JRK: variants seen among roughly 807,000 people sequenced by gnomAD.
JRK encodes jerky protein homolog.
For missense variants in JRK, 720 were observed against 509.2 expected, an observed-to-expected ratio of 1.41 and a Z score of -3.98; for synonymous variants, 303 against 218.1, an observed-to-expected ratio of 1.39 and a Z score of -3.43.
chr8:142,646,685 T>C, the JRK span, among the ~76,000 whole-genome samples: 1 of 152,218 alleles, frequency 6.6e-6, no homozygotes. Flanking sequence ...TTACTTAAGT[T>C]ACATAAACTT....
chr8:142,649,354 G>T, the JRK span, among the ~76,000 whole-genome samples: 3 of 152,214 alleles, frequency 2.0e-5, no homozygotes, highest in African/African-American at 4.8e-5. Context: ...TTGTGGGAGG[G>T]ACCCAGTGGG....
In JRK at chr8:142,663,611, G is replaced by A. The variant is rs587594978; in HGVS notation, c.*741C>T. On this transcript the variant is annotated 3_prime_UTR_variant, in exon 2 of 2. Transcript: ENST00000612905. ...GTGTCCTCTATCCGGGTGATGAGCAGGGCCTGGTCAGCCACTCCTACTTTC... is the reference window on the plus strand; with the variant it reads ...GTGTCCTCTATCCGGGTGATGAGCAAGGCCTGGTCAGCCACTCCTACTTTC... 2.0e-6 allele frequency: 2 copies of A among 985,468 alleles called. No individual in the cohort carries two copies. The highest frequency in any genetic ancestry group is 9.4e-5 in the South Asian group (2 of 21,290). 61.0% of individuals were successfully genotyped at this position (985,468 alleles called of 1,614,324 possible).
At chr8:142,652,014 G>C in the JRK span, among the ~76,000 whole-genome samples, 6 of 151,768 alleles carry the variant, frequency 4.0e-5, no homozygotes, top group East Asian at 1.9e-4. Flanking sequence ...CCAAAAAAAG[G>C]GGGGGTGGTG....
chr8:142,660,526 A>G lies in JRK; in HGVS notation c.*3826T>C, dbSNP rs1846882518. On this transcript the variant is annotated 3_prime_UTR_variant, in exon 2 of 2. Coordinates refer to ENST00000612905, the MANE Select transcript of JRK (RefSeq NM_003724.4). ...GGGATCCTCCCGCCTCGGCCTCCTGAGTAGCTGGGGTTACAGGCACATGCC... is the reference window on the plus strand; with the variant it reads ...GGGATCCTCCCGCCTCGGCCTCCTGGGTAGCTGGGGTTACAGGCACATGCC... 3.9e-6 allele frequency: 3 copies of G among 761,864 alleles called. No homozygotes were observed. The highest frequency in any genetic ancestry group is 4.8e-6 in the Non-Finnish European group (3 of 626,818). The allele number at this position is 761,864 out of a possible 1,614,324, so 47.2% of individuals were successfully genotyped here.
rs908456725 is a variant in JRK, at chr8:142,660,188, C to G, written c.*4164G>C. The G allele has an allele frequency of 1.0e-5, 10 of 985,392 alleles. No homozygotes were observed. The highest frequency in any genetic ancestry group is 6.2e-5 in the Admixed American group (1 of 16,254). 61.0% of individuals were successfully genotyped at this position (985,392 alleles called of 1,614,324 possible). A position where few individuals can be genotyped will look rare whatever the true frequency, so the allele number is the denominator to read the frequency against. On this transcript the variant is annotated 3_prime_UTR_variant, in exon 2 of 2. Coordinates refer to ENST00000612905, the MANE Select transcript of JRK (RefSeq NM_003724.4). Reference sequence around the variant, plus strand: ...AGGCAGCTGAGTCCAACGCAGTGCCCGAGAGCTCAGCCCTTGTCAAGGAGA... The same window carrying G: ...AGGCAGCTGAGTCCAACGCAGTGCCGGAGAGCTCAGCCCTTGTCAAGGAGA...
Position 142,657,785 on chromosome 8 carries a change from T to C in JRK, c.*6567A>G, listed in dbSNP as rs1176845793. The C allele has an allele frequency of 6.6e-6, 1 of 152,276 alleles. No homozygotes were observed. Among genetic ancestry groups the C allele is most frequent in the Non-Finnish European group, 1.5e-5 (1 of 68,054 alleles). The allele number at this position is 152,276 out of a possible 1,614,324, so 9.4% of individuals were successfully genotyped here. A position where few individuals can be genotyped will look rare whatever the true frequency, so the allele number is the denominator to read the frequency against. On this transcript the variant is annotated 3_prime_UTR_variant, in exon 2 of 2. Transcript: ENST00000612905. The stretch of plus-strand genomic sequence containing the variant: ...CCCACCTTCAACACTGGGGATCAAA[T>C]TTCCATATAAGATTAGAAAGGGACA...
At chr8:142,668,535 C>T (rs587602321) in intron 1 of JRK, among the ~76,000 whole-genome samples, 7 of 151,838 alleles carry the variant, frequency 4.6e-5, no homozygotes, top group East Asian at 2.0e-4. Context: ...AATATGAACC[C>T]GCTGTAGAAA....
the JRK span, among the ~76,000 whole-genome samples, chr8:142,649,786 A>C: frequency 6.6e-6 from 1 of 152,122 alleles, no homozygotes; most frequent in Non-Finnish European, 1.5e-5. Context: ...CTCTGCTAGC[A>C]CAGTGTGGAA....
downstream of JRK, among the ~76,000 whole-genome samples, chr8:142,654,575 G>A (rs868925109): frequency 1.3e-5 from 2 of 152,040 alleles, no homozygotes; most frequent in African/African-American, 2.4e-5. Flanking sequence ...CAGGGCTCAG[G>A]AGCACAGACT....
chr8:142,654,356 G>A (rs1342053112), downstream of JRK, among the ~76,000 whole-genome samples: 1 of 152,122 alleles, frequency 6.6e-6, no homozygotes, highest in Non-Finnish European at 1.5e-5. Context: ...AGATGTGACA[G>A]GCCCTGGCTC....
In JRK at chr8:142,660,677, C is replaced by G. The variant is rs1846885697; in HGVS notation, c.*3675G>C. On this transcript the variant is annotated 3_prime_UTR_variant, in exon 2 of 2. Transcript: ENST00000612905. Reference sequence around the variant, plus strand: ...GTGGCCTTCCAGAGTACTGGGATTTCAGGCAGAAGCCACCACACCCGGATC... The same window carrying G: ...GTGGCCTTCCAGAGTACTGGGATTTGAGGCAGAAGCCACCACACCCGGATC... The G allele has an allele frequency of 7.1e-6, 7 of 984,540 alleles. No individual in the cohort carries two copies. Among genetic ancestry groups the G allele is most frequent in the Non-Finnish European group, 8.4e-6 (7 of 829,200 alleles). The allele number at this position is 984,540 out of a possible 1,614,324, so 61.0% of individuals were successfully genotyped here. A position where few individuals can be genotyped will look rare whatever the true frequency, so the allele number is the denominator to read the frequency against.
chr8:142,669,199 T>TGCGC (rs1554636779), intron 1 of JRK, among the ~76,000 whole-genome samples: 7 of 61,596 alleles, frequency 1.1e-4, no homozygotes, highest in African/African-American at 5.5e-4. Flanking sequence ...TGTGTGTGTG[T>TGCGC]GCGTGTGTGT....
At chr8:142,648,978 TC>T in the JRK span, among the ~76,000 whole-genome samples, 1 of 152,160 alleles carries the variant, frequency 6.6e-6, no homozygotes, top group Non-Finnish European at 1.5e-5. Context: ...TCAAAGGAGA[TC>T]ATTTTGGAGC....
At chr8:142,647,590 A>T in the JRK span, among the ~76,000 whole-genome samples, 1 of 152,164 alleles carries the variant, frequency 6.6e-6, no homozygotes, top group Admixed American at 6.5e-5. Flanking sequence ...GTCACACATG[A>T]CTTGCTCCTC....
In JRK at chr8:142,658,098, G is replaced by A. The variant is rs1846797279; in HGVS notation, c.*6254C>T. ...AGGTGAACCTTAACAATAGGTGCAT[G>A]TTTTACTCATTCCAAGTCCCCCAGG... is the stretch of plus-strand genomic sequence containing the variant. On this transcript the variant is annotated 3_prime_UTR_variant, in exon 2 of 2. Coordinates refer to ENST00000612905, the MANE Select transcript of JRK (RefSeq NM_003724.4). 6.6e-6 allele frequency: 1 copy of A among 152,300 alleles called. No individual in the cohort carries two copies. The allele number at this position is 152,300 out of a possible 1,614,324, so 9.4% of individuals were successfully genotyped here.
chr8:142,666,546 A>C (rs1587531695), intron 1 of JRK, 26 bp from the exon 2 acceptor site: 1 of 252,256 alleles, frequency 4.0e-6, no homozygotes, highest in East Asian at 9.8e-5. Flanking sequence ...AACAGAGAGG[A>C]AAGTGATGGG....
chr8:142,660,761 G>T lies in JRK; in HGVS notation c.*3591C>A. ...AGGTCCCTGAGGTGCAGTGTGGACG[G>T]GTCTTGATTTGTCCCAAGTTGTCGC... On this transcript the variant is annotated 3_prime_UTR_variant, in exon 2 of 2. Transcript: ENST00000612905. 1.0e-6 allele frequency: 1 copy of T among 985,424 alleles called. No individual in the cohort carries two copies. Among genetic ancestry groups the T allele is most frequent in the Non-Finnish European group, 1.2e-6 (1 of 829,984 alleles). The allele number at this position is 985,424 out of a possible 1,614,324, so 61.0% of individuals were successfully genotyped here. A position where few individuals can be genotyped will look rare whatever the true frequency, so the allele number is the denominator to read the frequency against.
At position 142,664,979 on chromosome 8, in the gene JRK, G is replaced by A. The variant is rs150926040; in HGVS notation, c.1080C>T (p.Asn360=). The A allele has an allele frequency of 1.9e-5, 14 of 736,564 alleles. No homozygotes were observed. Among genetic ancestry groups the A allele is most frequent in the Non-Finnish European group, 2.8e-5 (11 of 398,676 alleles). The allele number at this position is 736,564 out of a possible 1,614,324, so 45.6% of individuals were successfully genotyped here. ...CACAGGCCACGCTGAATATGGCATC[G>A]TTCATGTTGTAGCGGGCGTGGGGGC... The part of the protein sequence containing the change: ...LQGPHARYNM[N]DAIFSVACAW... Residue 360 remains asparagine, a synonymous_variant, in exon 2 of 2, where the codon AAC becomes AAT. Transcript: ENST00000612905.
chr8:142,645,698 T>C, the JRK span, among the ~76,000 whole-genome samples: 1 of 145,968 alleles, frequency 6.9e-6, no homozygotes, highest in Non-Finnish European at 1.5e-5. Flanking sequence ...AAAATATATA[T>C]ATACATCCTC....
Sources: gnomAD v4.1 joint callset for allele counts (sites outside exome capture counted in the v4.1 genomes callset) on GRCh38, gnomAD v4.1.1 for gene constraint, MANE v1.5 for transcripts, NCBI Gene and HGNC (gene_info 2026-07-23, HGNC 2026-07-21) for gene names.